Variants in LRP1B observed in about 807,000 individuals in gnomAD.
LRP1B encodes low-density lipoprotein receptor-related protein 1B.
A neutral mutation model predicts 556.6 loss-of-function variants in LRP1B; 217 were observed. That is an observed-to-expected ratio of 0.39 (90% CI 0.35 to 0.44). The LOEUF is 0.44. LRP1B is among the 20% of genes least tolerant of loss of function. LRP1B has a pLI of 1.00. For missense variants in LRP1B, 5,053 were observed against 5,620.8 expected (o/e 0.90, Z 3.23); for synonymous variants, 2,047 against 1,865.8 (o/e 1.10, Z -2.50).
At chr2:141,992,268 T>G (rs1204816300) in intron 1 of LRP1B, among the ~76,000 whole-genome samples, 1 of 152,128 alleles carries the variant, frequency 6.6e-6, no homozygotes, top group Admixed American at 6.6e-5. Context: ...AGATTTAGCC[T>G]CTCATAATGG....
intron 77 of LRP1B, among the ~76,000 whole-genome samples, chr2:140,349,309 A>C (rs1241892804): frequency 6.6e-6 from 1 of 152,166 alleles, no homozygotes; most frequent in East Asian, 1.9e-4. Flanking sequence ...CAATTGTAAA[A>C]TGCAGATATG....
chr2:141,093,298 A>T (rs1248755802), intron 7 of LRP1B, among the ~76,000 whole-genome samples: 2 of 152,148 alleles, frequency 1.3e-5, no homozygotes, highest in Non-Finnish European at 2.9e-5. Flanking sequence ...TGCACATGGA[A>T]GTCCTCGTCT....
At chr2:142,060,613 T>A (rs9941693) in intron 1 of LRP1B, among the ~76,000 whole-genome samples, 1 of 151,996 alleles carries the variant, frequency 6.6e-6, no homozygotes, top group Non-Finnish European at 1.5e-5. Context: ...TTATATATCT[T>A]TGAGGGCTAG....
intron 2 of LRP1B, among the ~76,000 whole-genome samples, chr2:141,585,584 C>T (rs961428580): frequency 1.3e-5 from 2 of 151,894 alleles, no homozygotes; most frequent in African/African-American, 4.8e-5. Context: ...ACGAGTTTAC[C>T]TTCTAAATAT....
chr2:142,083,983 C>CTTT (rs113213864), intron 1 of LRP1B, among the ~76,000 whole-genome samples: 1 of 141,720 alleles, frequency 7.1e-6, no homozygotes, highest in Non-Finnish European at 1.5e-5. Context: ...TTCTCTATGC[C>CTTT]TTTTTTTTTT....
In LRP1B at chr2:140,739,319, T is replaced by C. The variant is rs112549764; in HGVS notation, c.5759-22503A>G. ...AACAACTGTGAAGATTTAGAGTTAA[T>C]TACTGAAATAACTGGCTGAAGAATA... On this transcript the variant is annotated intron_variant, in intron 35 of 90. Transcript: ENST00000389484. 4.3e-3 allele frequency among the ~76,000 whole-genome samples: 656 copies of C among 151,184 alleles called. 2 individuals are homozygous for C. Among genetic ancestry groups the C allele is most frequent in the Non-Finnish European group, 6.6e-3 (446 of 67,926 alleles).
intron 1 of LRP1B, among the ~76,000 whole-genome samples, chr2:141,968,404 A>AT (rs58799489): frequency 9.9e-5 from 15 of 150,760 alleles, no homozygotes; most frequent in Admixed American, 2.0e-4. Context: ...ATATTTGTGT[A>AT]TTTTTTTTTC....
chr2:140,501,178 G>A (rs1399649121), intron 55 of LRP1B, among the ~76,000 whole-genome samples: 1 of 151,846 alleles, frequency 6.6e-6, no homozygotes, highest in Non-Finnish European at 1.5e-5. Context: ...TATTACATAT[G>A]GTTTATTTTA....
intron 86 of LRP1B, 152 bp from the exon 87 acceptor site, chr2:140,247,314 A>G (rs1463589162): frequency 1.6e-6 from 1 of 612,208 alleles, no homozygotes; most frequent in Non-Finnish European, 3.0e-6. Context: ...GATCTCTTGC[A>G]TATTGTTAGT....
intron 11 of LRP1B, among the ~76,000 whole-genome samples, chr2:141,022,109 A>G (rs1036089743): frequency 6.6e-6 from 1 of 151,706 alleles, no homozygotes; most frequent in African/African-American, 2.4e-5. Context: ...AAATAAATAT[A>G]TGTGATGTTC....
intron 43 of LRP1B, among the ~76,000 whole-genome samples, chr2:140,548,442 C>T (rs1439810348): frequency 6.6e-6 from 1 of 152,136 alleles, no homozygotes; most frequent in South Asian, 2.1e-4. Flanking sequence ...ACATTGTTAA[C>T]CATCTTCTTA....
rs2105182988 is a variant in LRP1B, at chr2:140,378,236, C to G, written c.10582G>C (p.Val3528Leu). Reference sequence around the variant, plus strand: ...CCATCACACCAAAACCTTGAAGAAACACAGTCCCCATTGGCACAGAGGAAA... The same window carrying G: ...CCATCACACCAAAACCTTGAAGAAAGACAGTCCCCATTGGCACAGAGGAAA... Reference protein sequence around the residue: ...KDFLCANGDCVSSRFWCDGDF... With the variant: ...KDFLCANGDCLSSRFWCDGDF... The change falls in exon 68 of 91, where the codon GTT (valine) becomes CTT (leucine). Residue 3528 changes from valine to leucine, a missense_variant. By Grantham distance (32) the Val-to-Leu change is conservative. Around this residue, in one of 5 missense-constraint regions of LRP1B, gnomAD observed 599 missense variants for 648.4 expected, o/e 0.92. Coordinates refer to ENST00000389484, the MANE Select transcript of LRP1B (RefSeq NM_018557.3). The G allele has an allele frequency of 6.2e-7, 1 of 1,613,768 alleles. No individual in the cohort carries two copies. Among genetic ancestry groups the G allele is most frequent in the Non-Finnish European group, 8.5e-7 (1 of 1,179,772 alleles).
chr2:140,452,965 T>G (rs541438076), intron 62 of LRP1B, among the ~76,000 whole-genome samples: 121 of 148,160 alleles, frequency 8.2e-4, no homozygotes, highest in Middle Eastern at 6.8e-3. Flanking sequence ...GTGTGTGTTT[T>G]TTTTTTTTTT....
chr2:140,453,662 T>C (rs1573956905), intron 62 of LRP1B, among the ~76,000 whole-genome samples: 1 of 140,252 alleles, frequency 7.1e-6, no homozygotes, highest in East Asian at 1.9e-4. Flanking sequence ...AAGTTGACTT[T>C]TTTCCTAAAA....
rs1417592688 is a variant in LRP1B at position 141,822,118 on chromosome 2, C to CAG, written c.83-11718_83-11717insCT. Among the ~76,000 whole-genome samples, 730 of 102,940 alleles carry CAG rather than the reference C, an allele frequency of 7.1e-3. 7 individuals carry two copies. The highest frequency in any genetic ancestry group is 0.028 in the African/African-American group (662 of 23,848). 67.5% of individuals were successfully genotyped at this position (102,940 alleles called of 152,430 possible). A position where few individuals can be genotyped will look rare whatever the true frequency, so the allele number is the denominator to read the frequency against. ...ACACACACACACACACACACACACA[C>CAG]ACACACACACACAGAGAGAGAGAGA... On this transcript the variant is annotated intron_variant, in intron 1 of 90. Transcript: ENST00000389484.
intron 21 of LRP1B, among the ~76,000 whole-genome samples, chr2:140,921,182 C>T (rs569443312): frequency 2.6e-4 from 39 of 151,984 alleles, no homozygotes; most frequent in African/African-American, 9.2e-4. Flanking sequence ...TGAGAATTTA[C>T]ATTACTGTGA....
intron 66 of LRP1B, among the ~76,000 whole-genome samples, chr2:140,397,464 A>G (rs2105221321): frequency 1.3e-5 from 2 of 152,258 alleles, no homozygotes; most frequent in Middle Eastern, 3.4e-3. Flanking sequence ...TTTCCATTAC[A>G]TAAGTAACAT....
At chr2:140,652,408 T>C (rs1323501966) in intron 41 of LRP1B, among the ~76,000 whole-genome samples, 1 of 152,036 alleles carries the variant, frequency 6.6e-6, no homozygotes. Flanking sequence ...AATGAAAATA[T>C]TGCACAAGAA....
intron 66 of LRP1B, among the ~76,000 whole-genome samples, chr2:140,437,958 A>G (rs1020259142): frequency 6.6e-6 from 1 of 152,208 alleles, no homozygotes; most frequent in Non-Finnish European, 1.5e-5. Flanking sequence ...TACTTGTTAT[A>G]TAACTTACAT....
Sources: gnomAD v4.1 joint callset for allele counts (sites outside exome capture counted in the v4.1 genomes callset) on GRCh38, gnomAD v4.1.1 for gene constraint, gnomAD v4.1.1 regional missense constraint, MANE v1.5 for transcripts, NCBI Gene and HGNC (gene_info 2026-07-23, HGNC 2026-07-21) for gene names.